Variants in CNTN4 observed in about 807,000 individuals in gnomAD.
The protein encoded by CNTN4 is contactin 4, also known as contactin-4.
A neutral mutation model predicts 122.5 loss-of-function variants in CNTN4; 77 were observed. That is an observed-to-expected ratio of 0.63 (90% confidence interval 0.52 to 0.76). The LOEUF is 0.76. CNTN4 is among the 30% of genes least tolerant of loss of function. CNTN4 has a pLI of 0.00. For missense variants in CNTN4, 1,256 were observed against 1,259.1 expected (o/e 1.00, Z 0.04); for synonymous variants, 512 against 447.0 (o/e 1.15, Z -1.83).
At chr3:2,608,636 C>T (rs929215121) in intron 4 of CNTN4, among the ~76,000 whole-genome samples, 5 of 152,160 alleles carry the variant, frequency 3.3e-5, no homozygotes, top group Non-Finnish European at 7.4e-5. Context: ...CACGTGCCAC[C>T]ATGCCTGGCT....
chr3:2,253,798 C>T (rs577289034), intron 2 of CNTN4, among the ~76,000 whole-genome samples: 27 of 152,076 alleles, frequency 1.8e-4, no homozygotes, highest in Non-Finnish European at 3.5e-4. Context: ...TGAGCCACCA[C>T]ACCTGGTCAA....
At chr3:2,696,248 G>A (rs1404831276) in intron 4 of CNTN4, among the ~76,000 whole-genome samples, 1 of 152,198 alleles carries the variant, frequency 6.6e-6, no homozygotes, top group Non-Finnish European at 1.5e-5. Context: ...GCGAAGTGGA[G>A]TTTTAGGTAA....
chr3:2,134,869 A>T (rs192043138), intron 2 of CNTN4, among the ~76,000 whole-genome samples: 1 of 152,212 alleles, frequency 6.6e-6, no homozygotes, highest in Non-Finnish European at 1.5e-5. Flanking sequence ...GACCTCCCAC[A>T]TTATGGAGGG....
chr3:2,328,279 G>A lies in CNTN4; in HGVS notation c.-144-10899G>A, dbSNP rs180673711. On this transcript the variant is annotated intron_variant, in intron 2 of 24. Coordinates refer to ENST00000418658, the MANE Select transcript of CNTN4 (RefSeq NM_175607.3). ...AAATTAGCCGGGCGTGGTGGCGGGC[G>A]CCTGTAGTCCCAGCTACTCGGGAGG... Among the ~76,000 whole-genome samples the A allele has an allele frequency of 2.3e-3, 341 of 150,606 alleles. 1 individual carries two copies. The highest frequency in any genetic ancestry group is 5.9e-3 in the African/African-American group (244 of 41,216).
intron 3 of CNTN4, among the ~76,000 whole-genome samples, chr3:2,545,016 A>G (rs2149321343): frequency 6.6e-6 from 1 of 152,188 alleles, no homozygotes; most frequent in Admixed American, 6.5e-5. Flanking sequence ...TTAGTGCTGT[A>G]AACTTTTCTC....
At chr3:3,041,988 T>C (rs1700204341) in intron 20 of CNTN4, among the ~76,000 whole-genome samples, 1 of 152,162 alleles carries the variant, frequency 6.6e-6, no homozygotes, top group Non-Finnish European at 1.5e-5. Context: ...AGTTTAGCCA[T>C]GTCGTAAGCA....
At chr3:2,654,569 G>T (rs974811557) in intron 4 of CNTN4, among the ~76,000 whole-genome samples, 2 of 152,150 alleles carry the variant, frequency 1.3e-5, no homozygotes, top group African/African-American at 4.8e-5. Flanking sequence ...GAGTAAAAAT[G>T]GTGTTATTCT....
intron 3 of CNTN4, among the ~76,000 whole-genome samples, chr3:2,532,384 A>C (rs1023493824): frequency 2.6e-5 from 4 of 152,072 alleles, no homozygotes; most frequent in African/African-American, 9.7e-5. Context: ...CCTCCTAAGT[A>C]GCTGGGACCA....
chr3:2,654,357 T>C (rs554394605), intron 4 of CNTN4, among the ~76,000 whole-genome samples: 5 of 152,206 alleles, frequency 3.3e-5, no homozygotes, highest in Non-Finnish European at 7.3e-5. Flanking sequence ...TAAAAGGGAA[T>C]GTTATCATTT....
At chr3:3,014,691 C>A (rs567520374) in intron 14 of CNTN4, among the ~76,000 whole-genome samples, 10 of 151,538 alleles carry the variant, frequency 6.6e-5, no homozygotes, top group Admixed American at 6.6e-4. Context: ...TTTTCCTTGT[C>A]TCTTGGCTTT....
chr3:2,314,798 A>T (rs1187532217), intron 2 of CNTN4, among the ~76,000 whole-genome samples: 1 of 152,036 alleles, frequency 6.6e-6, no homozygotes, highest in Non-Finnish European at 1.5e-5. Context: ...GATATCTCTA[A>T]ATCTAATAAG....
At chr3:3,003,898 C>T (rs992600199) in intron 14 of CNTN4, among the ~76,000 whole-genome samples, 2 of 151,840 alleles carry the variant, frequency 1.3e-5, no homozygotes. Flanking sequence ...TACAGGCGCA[C>T]GCCAGCACGC....
intron 4 of CNTN4, among the ~76,000 whole-genome samples, chr3:2,592,175 C>G (rs1298724445): frequency 1.3e-5 from 2 of 152,096 alleles, no homozygotes; most frequent in African/African-American, 4.8e-5. Flanking sequence ...GCCACTGTGC[C>G]CGGCCTTCAT....
At chr3:2,353,455 T>G (rs1287799590) in intron 3 of CNTN4, among the ~76,000 whole-genome samples, 2 of 152,084 alleles carry the variant, frequency 1.3e-5, no homozygotes, top group African/African-American at 4.8e-5. Flanking sequence ...CTCTTTGCAA[T>G]AAATCTTGCC....
chr3:2,763,385 C>T (rs1432441527), intron 6 of CNTN4, among the ~76,000 whole-genome samples: 1 of 152,112 alleles, frequency 6.6e-6, no homozygotes, highest in African/African-American at 2.4e-5. Flanking sequence ...GATATTAGAC[C>T]TTAATCAGAT....
chr3:2,875,679 C>T (rs1217295398), intron 8 of CNTN4, among the ~76,000 whole-genome samples: 1 of 152,080 alleles, frequency 6.6e-6, no homozygotes, highest in Admixed American at 6.5e-5. Flanking sequence ...TAACCCTTGA[C>T]AAAATGATAT....
At chr3:2,288,689 CAA>C (rs906262704) in intron 2 of CNTN4, among the ~76,000 whole-genome samples, 3 of 152,008 alleles carry the variant, frequency 2.0e-5, no homozygotes, top group South Asian at 4.2e-4. Flanking sequence ...AAGTATAAAA[CAA>C]AATATAATGA....
At chr3:2,881,250 T>C (rs188523508) in intron 8 of CNTN4, among the ~76,000 whole-genome samples, 200 of 152,210 alleles carry the variant, frequency 1.3e-3, no homozygotes, top group African/African-American at 3.5e-3. Flanking sequence ...CGGTGGCTCA[T>C]GCCTGTAATC....
At chr3:3,017,177 C>A (rs1373162608) in intron 14 of CNTN4, among the ~76,000 whole-genome samples, 1 of 152,072 alleles carries the variant, frequency 6.6e-6, no homozygotes, top group Non-Finnish European at 1.5e-5. Context: ...CTTCTTAAAG[C>A]AAAGTCACAT....
Sources: gnomAD v4.1 joint callset for allele counts (sites outside exome capture counted in the v4.1 genomes callset) on GRCh38, gnomAD v4.1.1 for gene constraint, MANE v1.5 for transcripts, NCBI Gene and HGNC (gene_info 2026-07-23, HGNC 2026-07-21) for gene names.